COL22A1: variants seen among roughly 807,000 people sequenced by gnomAD.
COL22A1 encodes collagen type XXII alpha 1 chain, also known as collagen alpha-1(XXII) chain.
Under a neutral mutation model 248.9 loss-of-function variants are expected in COL22A1, and 221 were observed. That is an observed-to-expected ratio of 0.89 (90% CI 0.80 to 0.99). COL22A1 has a LOEUF of 0.99. Ranked by LOEUF, COL22A1 falls within the 50% of genes least tolerant of loss-of-function variation. The pLI, the probability that COL22A1 is intolerant of heterozygous loss-of-function variation, is 0.00. For missense variants in COL22A1, 2,240 were observed against 2,179.0 expected, an observed-to-expected ratio of 1.03 and a Z score of -0.56; for synonymous variants, 891 against 793.4, an observed-to-expected ratio of 1.12 and a Z score of -2.07.
At chr8:138,856,758 T>G (rs1052376466) in intron 3 of COL22A1, among the ~76,000 whole-genome samples, 2 of 152,184 alleles carry the variant, frequency 1.3e-5, no homozygotes, top group Non-Finnish European at 2.9e-5. Flanking sequence ...GTGGGCGGCC[T>G]GTGGGACACA....
intron 40 of COL22A1, among the ~76,000 whole-genome samples, chr8:138,676,837 TTA>T (rs1272809197): frequency 5.3e-5 from 8 of 152,120 alleles, no homozygotes; most frequent in Non-Finnish European, 1.2e-4. Context: ...CCAACTCAGA[TTA>T]TATACCTTTC....
At chr8:138,721,442 T>C (rs1056495917) in intron 26 of COL22A1, among the ~76,000 whole-genome samples, 1 of 152,270 alleles carries the variant, frequency 6.6e-6, no homozygotes, top group Non-Finnish European at 1.5e-5. Flanking sequence ...CCCAGTTTTA[T>C]GCTATTTAAC....
At chr8:138,778,679 C>T (rs538207951) in intron 14 of COL22A1, among the ~76,000 whole-genome samples, 24 of 152,344 alleles carry the variant, frequency 1.6e-4, no homozygotes, top group African/African-American at 5.1e-4. Context: ...AAGGTGTGTG[C>T]CTATGAACCA....
In COL22A1 at chr8:138,878,391, C is replaced by G. The variant is rs960317703; in HGVS notation, c.92-75G>C. On this transcript the variant is annotated intron_variant, in intron 2 of 64. Transcript: ENST00000303045. ...ACACTGTCCTGGGGTATACAGGTCACTGGGGTCACACACACCTGCTCAAAT... is the reference window on the plus strand; with the variant it reads ...ACACTGTCCTGGGGTATACAGGTCAGTGGGGTCACACACACCTGCTCAAAT... The G allele has an allele frequency of 4.0e-6, 5 of 1,247,036 alleles. No individual in the cohort carries two copies. In the Admixed American group the frequency reaches 1.2e-4, roughly 29 times the overall value. The allele number at this position is 1,247,036 out of a possible 1,614,324, so 77.2% of individuals were successfully genotyped here.
chr8:138,798,414 G>T (rs1315736148), intron 11 of COL22A1, among the ~76,000 whole-genome samples: 1 of 151,640 alleles, frequency 6.6e-6, no homozygotes, highest in Non-Finnish European at 1.5e-5. Context: ...CTACTTTCAT[G>T]ATATTTTTAA....
At chr8:138,763,759 C>A (rs925310497) in intron 16 of COL22A1, among the ~76,000 whole-genome samples, 1 of 152,200 alleles carries the variant, frequency 6.6e-6, no homozygotes, top group Non-Finnish European at 1.5e-5. Flanking sequence ...GCCTCCCCTG[C>A]ACCCTTCGGG....
chr8:138,671,919 T>G (rs1396257216), intron 41 of COL22A1, among the ~76,000 whole-genome samples: 2 of 151,990 alleles, frequency 1.3e-5, no homozygotes, highest in East Asian at 3.8e-4. Flanking sequence ...TAGTATATAA[T>G]ACATATAACA....
intron 26 of COL22A1, 132 bp from the exon 27 acceptor site, chr8:138,720,924 G>A (rs190641618): frequency 9.4e-6 from 7 of 744,630 alleles, no homozygotes; most frequent in African/African-American, 3.5e-5. Context: ...TCAACTCTGC[G>A]ATTACCTAAC....
chr8:138,699,546 G>A (rs1827785333), intron 32 of COL22A1, among the ~76,000 whole-genome samples: 1 of 152,328 alleles, frequency 6.6e-6, no homozygotes, highest in South Asian at 2.1e-4. Context: ...GAAAAGAGAG[G>A]AAAAAGGTTT....
chr8:138,724,325 T>A (rs530210410), intron 25 of COL22A1, among the ~76,000 whole-genome samples: 1 of 152,282 alleles, frequency 6.6e-6, no homozygotes, highest in Non-Finnish European at 1.5e-5. Flanking sequence ...AGCAAAGGAC[T>A]CTTGAATGTG....
intron 45 of COL22A1, among the ~76,000 whole-genome samples, chr8:138,653,682 G>A (rs1246704398): frequency 6.6e-6 from 1 of 152,166 alleles, no homozygotes; most frequent in Non-Finnish European, 1.5e-5. Context: ...CCAACTACCA[G>A]AAAGAGATAT....
chr8:138,595,381 T>G (rs1438328327), intron 62 of COL22A1, among the ~76,000 whole-genome samples: 1 of 152,114 alleles, frequency 6.6e-6, no homozygotes, highest in Non-Finnish European at 1.5e-5. Context: ...TCCAAACCAT[T>G]TTGAAACGGC....
intron 41 of COL22A1, among the ~76,000 whole-genome samples, chr8:138,668,882 C>A (rs9657455): frequency 0.6 from 90,849 of 152,084 alleles, 29,304 homozygotes; most frequent in East Asian, 0.73. Context: ...TTTGAGGAAC[C>A]TTCACCCAGA....
Position 138,877,842 on chromosome 8 carries a change from G to A in COL22A1, c.566C>T (p.Ala189Val). The A allele has an allele frequency of 6.2e-7, 1 of 1,613,474 alleles. No homozygotes were observed. The highest frequency in any genetic ancestry group is 8.5e-7 in the Non-Finnish European group (1 of 1,179,808). ...GACGTGGGCGGACTTGGGCTCTGAGGCGATCTCCTCCAGCTCCTCCTTGAG... is the reference window on the plus strand; with the variant it reads ...GACGTGGGCGGACTTGGGCTCTGAGACGATCTCCTCCAGCTCCTCCTTGAG... ...EALKEELEEI[A>V]SEPKSAHVFH... is the part of the protein sequence containing the mutation. The change falls in exon 3 of 65, where the codon GCC becomes GTC. Residue 189 changes from alanine to valine, a missense_variant. By Grantham distance (64) the Ala-to-Val change is moderately conservative. Coordinates refer to ENST00000303045, the MANE Select transcript of COL22A1 (RefSeq NM_152888.3).
chr8:138,620,884 T>C (rs1377023520), intron 52 of COL22A1, among the ~76,000 whole-genome samples: 1 of 152,094 alleles, frequency 6.6e-6, no homozygotes, highest in African/African-American at 2.4e-5. Context: ...CAAAAGGCTG[T>C]CTATATATCC....
intron 12 of COL22A1, among the ~76,000 whole-genome samples, chr8:138,792,236 C>T (rs1306746914): frequency 2.0e-5 from 3 of 152,224 alleles, no homozygotes; most frequent in African/African-American, 7.2e-5. Flanking sequence ...CACCTCTAGG[C>T]CCTTGTCTAG....
At chr8:138,876,559 G>C (rs1211930977) in intron 3 of COL22A1, among the ~76,000 whole-genome samples, 1 of 152,228 alleles carries the variant, frequency 6.6e-6, no homozygotes, top group African/African-American at 2.4e-5. Context: ...GAGATTAAAA[G>C]AGCCAACACA....
intron 3 of COL22A1, among the ~76,000 whole-genome samples, chr8:138,846,098 T>C (rs1821224112): frequency 6.6e-6 from 1 of 152,074 alleles, no homozygotes; most frequent in South Asian, 2.1e-4. Flanking sequence ...AGGGGTTATT[T>C]TGGAAACAGT....
At chr8:138,632,797 T>C (rs1820840139) in intron 49 of COL22A1, among the ~76,000 whole-genome samples, 2 of 152,204 alleles carry the variant, frequency 1.3e-5, no homozygotes, top group South Asian at 4.1e-4. Flanking sequence ...AGTGATAATA[T>C]TTTAACAAGT....
Sources: allele counts gnomAD v4.1 joint callset (sites outside exome capture counted in the v4.1 genomes callset), GRCh38; gene constraint gnomAD v4.1.1; transcripts MANE v1.5; gene names NCBI Gene and HGNC (gene_info 2026-07-23, HGNC 2026-07-21).